The following MYH15 variants were observed in gnomAD, a reference collection of about 807,000 sequenced individuals.
MYH15 encodes myosin heavy chain 15.
MYH15 carries 227 observed loss-of-function variants against 240.5 expected under a neutral mutation model. That is an observed-to-expected ratio of 0.94 (90% CI 0.85 to 1.05). The LOEUF is 1.05. Ranked by LOEUF, MYH15 falls within the 50% of genes least tolerant of loss-of-function variation. MYH15 has a pLI of 0.00. For synonymous variants in MYH15, 785 were observed against 796.7 expected (o/e 0.99, Z 0.25); for missense variants, 2,217 against 2,247.5 (o/e 0.99, Z 0.27).
rs573877846 is a variant in MYH15, at chr3:108,444,551, A to AT, written c.2655+88dup. 58 of 1,443,294 alleles carry AT rather than the reference A, an allele frequency of 4.0e-5. No individual in the cohort carries two copies. The South Asian group carries it at 6.9e-4, about 17-fold the overall frequency. The allele number at this position is 1,443,294 out of a possible 1,614,324, so 89.4% of individuals were successfully genotyped here. ...TGGTATTTGAAAACCACATGCATCT[A>AT]TTTTTTTGTTTCCGTGTCAACACTG... On this transcript the variant is annotated intron_variant, in intron 22 of 40. Coordinates refer to ENST00000693548, the MANE Select transcript of MYH15 (RefSeq NM_014981.3).
At chr3:108,410,488 G>T in intron 31 of MYH15, 95 bp downstream of exon 31, 4 of 807,002 alleles carry the variant, frequency 5.0e-6, no homozygotes, top group Non-Finnish European at 5.6e-6. Context: ...AAAACATGTT[G>T]GGAATGTGAA....
chr3:108,392,905 C>A (rs551179994), intron 36 of MYH15, among the ~76,000 whole-genome samples: 3 of 152,198 alleles, frequency 2.0e-5, no homozygotes, highest in African/African-American at 7.2e-5. Context: ...CATCAAACAT[C>A]TTCAAGATTT....
intron 11 of MYH15, among the ~76,000 whole-genome samples, chr3:108,482,058 C>T (rs558313507): frequency 3.3e-5 from 5 of 151,920 alleles, no homozygotes; most frequent in Admixed American, 6.6e-5. Flanking sequence ...AACGGTGGCT[C>T]GGGCTAGGTG....
At chr3:108,477,771 C>T (rs536520271) in intron 11 of MYH15, among the ~76,000 whole-genome samples, 1 of 152,184 alleles carries the variant, frequency 6.6e-6, no homozygotes, top group Admixed American at 6.5e-5. Flanking sequence ...TACTTACACC[C>T]CACAAAATTG....
chr3:108,447,727 G>A (rs1192674485), intron 21 of MYH15, among the ~76,000 whole-genome samples: 1 of 152,138 alleles, frequency 6.6e-6, no homozygotes, highest in Non-Finnish European at 1.5e-5. Flanking sequence ...GCTAAAGGGT[G>A]TTCTTCAAGT....
In MYH15 at chr3:108,456,766, C is replaced by T; in HGVS notation, c.2138G>A (p.Arg713Lys). The T allele has an allele frequency of 6.2e-7, 1 of 1,604,002 alleles. No homozygotes were observed. Residue 713 changes from arginine (R) to lysine (K), a missense_variant and splice_region_variant, in exon 19 of 41, where the codon AGG (arginine) becomes AAG (lysine). Transcript: ENST00000693548. ...CTTGGATCCTAGAATGTAGGTTTAC[C>T]TTTGTTTAAAATCAGCATACTGCAG... is the stretch of plus-strand genomic sequence containing the variant. Reference protein sequence around the residue: ...NRLQYADFKQRYCILNPRTFP... With the variant: ...NRLQYADFKQKYCILNPRTFP...
At chr3:108,434,356 A>G (rs1201070417) in intron 25 of MYH15, among the ~76,000 whole-genome samples, 1 of 151,396 alleles carries the variant, frequency 6.6e-6, no homozygotes. Context: ...CTAATTTTGT[A>G]TTTTTAGTAG....
chr3:108,399,036 T>A, intron 34 of MYH15, 39 bp downstream of exon 34: 1 of 1,586,750 alleles, frequency 6.3e-7, no homozygotes, highest in Non-Finnish European at 8.6e-7. Context: ...CAGAAACATT[T>A]TCCACCCCTC....
the MYH15 span, among the ~76,000 whole-genome samples, chr3:108,544,906 T>A: frequency 1.3e-5 from 2 of 152,182 alleles, no homozygotes; most frequent in African/African-American, 4.8e-5. Context: ...AACTTTTAAA[T>A]CTGTCAAAAG....
chr3:108,502,982 A>T (rs2107240739), intron 2 of MYH15, among the ~76,000 whole-genome samples: 1 of 152,000 alleles, frequency 6.6e-6, no homozygotes, highest in East Asian at 1.9e-4. Context: ...TCCAACTTTC[A>T]TCAATAAGTA....
intron 1 of MYH15, among the ~76,000 whole-genome samples, chr3:108,517,886 A>T (rs1251406348): frequency 6.6e-6 from 1 of 152,210 alleles, no homozygotes; most frequent in Non-Finnish European, 1.5e-5. Context: ...GACAACAGAG[A>T]TATAATCAGT....
At chr3:108,446,894 T>A (rs1181831749) in intron 21 of MYH15, among the ~76,000 whole-genome samples, 1 of 151,918 alleles carries the variant, frequency 6.6e-6, no homozygotes, top group Non-Finnish European at 1.5e-5. Context: ...CCAACCTAAA[T>A]GGAGATCTAT....
chr3:108,488,203 G>C (rs1231214685), intron 9 of MYH15, among the ~76,000 whole-genome samples: 4 of 152,000 alleles, frequency 2.6e-5, no homozygotes, highest in African/African-American at 2.4e-5. Context: ...GATTCTACAT[G>C]GGTGAGATCA....
intron 10 of MYH15, 83 bp from the exon 11 acceptor site, chr3:108,485,312 G>A (rs570596363): frequency 1.2e-5 from 17 of 1,470,734 alleles, no homozygotes; most frequent in South Asian, 6.2e-5. Context: ...GTTACACCTC[G>A]GGCTGTGGGC....
chr3:108,485,300 G>A (rs1029628380), intron 10 of MYH15, 71 bp from the exon 11 acceptor site: 24 of 1,558,130 alleles, frequency 1.5e-5, no homozygotes, highest in Middle Eastern at 1.7e-4. Context: ...CACCCCCGCT[G>A]TGTTACACCT....
At chr3:108,547,230 T>C in the MYH15 span, among the ~76,000 whole-genome samples, 2 of 152,038 alleles carry the variant, frequency 1.3e-5, no homozygotes, top group African/African-American at 4.8e-5. Flanking sequence ...CTGGAACCCC[T>C]GCCTCAAATG....
intron 1 of MYH15, among the ~76,000 whole-genome samples, chr3:108,524,023 C>T (rs960047163): frequency 3.3e-5 from 5 of 151,846 alleles, no homozygotes; most frequent in African/African-American, 7.3e-5. Context: ...CATCCTTGTA[C>T]GTGTGTCATT....
At chr3:108,407,941 T>G (rs1160253154) in intron 32 of MYH15, among the ~76,000 whole-genome samples, 1 of 152,192 alleles carries the variant, frequency 6.6e-6, no homozygotes, top group Non-Finnish European at 1.5e-5. Context: ...TCTAACAGCC[T>G]CCCAAGCGAT....
chr3:108,537,043 G>C, the MYH15 span, among the ~76,000 whole-genome samples: 14 of 152,198 alleles, frequency 9.2e-5, 1 homozygote, highest in Admixed American at 9.2e-4. Context: ...CTCTCTCCCT[G>C]CAATTGGATG....
Sources: gnomAD v4.1 joint callset for allele counts (sites outside exome capture counted in the v4.1 genomes callset) on GRCh38, gnomAD v4.1.1 for gene constraint, MANE v1.5 for transcripts, NCBI Gene and HGNC (gene_info 2026-07-23, HGNC 2026-07-21) for gene names.